AGMO: variants seen among roughly 807,000 people sequenced by gnomAD.
AGMO encodes glyceryl-ether monooxygenase.
AGMO carries 75 observed loss-of-function variants against 60.2 expected under a neutral mutation model. That is an observed-to-expected ratio of 1.25 (90% confidence interval 1.03 to 1.51). The LOEUF (loss-of-function observed/expected upper bound fraction) is 1.51. Ranked by LOEUF, AGMO falls within the 40% of genes most tolerant of loss-of-function variation. The probability of loss-of-function intolerance (pLI) is 0.00; values close to 1 mark genes in which losing one functional copy is unlikely to be tolerated. For missense variants in AGMO, 763 were observed against 525.5 expected, an observed-to-expected ratio of 1.45 and a Z score of -4.42; for synonymous variants, 261 against 177.1, an observed-to-expected ratio of 1.47 and a Z score of -3.76.
At position 15,483,712 on chromosome 7, in the gene AGMO, T is replaced by G. The variant is rs1295141946; in HGVS notation, c.410-52604A>C. ...TAACTAGATGGAGGTAAATACCATATTCTAGATTGGAAAACTTGATTCTGT... is the reference window on the plus strand; with the variant it reads ...TAACTAGATGGAGGTAAATACCATAGTCTAGATTGGAAAACTTGATTCTGT... On this transcript the variant is annotated intron_variant, in intron 3 of 12. Transcript: ENST00000342526. Among the ~76,000 whole-genome samples the G allele has an allele frequency of 2.0e-5, 3 of 152,296 alleles. No individual in the cohort carries two copies. In the East Asian group the frequency reaches 5.8e-4, roughly 29 times the overall value.
chr7:15,342,285 A>G (rs560515321), intron 12 of AGMO, among the ~76,000 whole-genome samples: 16 of 151,278 alleles, frequency 1.1e-4, no homozygotes, highest in Non-Finnish European at 1.8e-4. Context: ...GCAAGGGAGG[A>G]GTAAAACCTG....
chr7:15,189,235 C>A, the AGMO span, among the ~76,000 whole-genome samples: 1 of 152,048 alleles, frequency 6.6e-6, no homozygotes, highest in South Asian at 2.1e-4. Context: ...GGAGTAAGAA[C>A]TGCCATGAGG....
chr7:15,290,470 A>C (rs1466270084), intron 12 of AGMO, among the ~76,000 whole-genome samples: 1 of 152,166 alleles, frequency 6.6e-6, no homozygotes, highest in Non-Finnish European at 1.5e-5. Context: ...GGACTTCTTA[A>C]AGCCTAAGAG....
rs1583694662 is a variant in AGMO, at chr7:15,561,815, A to T, written c.31T>A (p.Ser11Thr). Residue 11 changes from serine to threonine, a missense_variant, in exon 1 of 13, where the codon TCA becomes ACA. Coordinates refer to ENST00000342526, the MANE Select transcript of AGMO (RefSeq NM_001004320.2). MKNPEAQQDV[S>T]VSQGFRMLFY... ...AACATGCGAAATCCCTGGGAAACTG[A>T]AACATCCTGCTGGGCTTCTGGGTTC... The T allele has an allele frequency of 1.9e-6, 3 of 1,609,974 alleles. No homozygotes were observed. The highest frequency in any genetic ancestry group is 2.5e-6 in the Non-Finnish European group (3 of 1,177,432).
intron 3 of AGMO, among the ~76,000 whole-genome samples, chr7:15,459,523 A>T (rs76414570): frequency 6.6e-6 from 1 of 151,554 alleles, no homozygotes; most frequent in East Asian, 1.9e-4. Flanking sequence ...ACTTTTCTGA[A>T]TCTCAAAATA....
At chr7:15,255,246 A>G (rs887440194) in intron 12 of AGMO, among the ~76,000 whole-genome samples, 7 of 152,110 alleles carry the variant, frequency 4.6e-5, no homozygotes, top group African/African-American at 1.7e-4. Context: ...TAACATTAGG[A>G]GAAATACCTC....
intron 12 of AGMO, among the ~76,000 whole-genome samples, chr7:15,318,009 TA>T (rs922707773): frequency 9.8e-5 from 12 of 122,374 alleles, no homozygotes; most frequent in African/African-American, 2.7e-4. Context: ...TATATACATA[TA>T]TTTTTTTTTT....
the AGMO span, among the ~76,000 whole-genome samples, chr7:15,174,846 T>C: frequency 6.6e-6 from 1 of 152,150 alleles, no homozygotes; most frequent in South Asian, 2.1e-4. Flanking sequence ...ATATTTTCTT[T>C]ATGTATCATC....
intron 12 of AGMO, among the ~76,000 whole-genome samples, chr7:15,346,759 A>G (rs1782048958): frequency 6.6e-6 from 1 of 151,994 alleles, no homozygotes; most frequent in Non-Finnish European, 1.5e-5. Context: ...TTTGGAAAAC[A>G]TTTTAGTGCA....
chr7:15,247,192 T>C (rs1411016293), intron 12 of AGMO, among the ~76,000 whole-genome samples: 2 of 151,740 alleles, frequency 1.3e-5, no homozygotes, highest in African/African-American at 2.4e-5. Flanking sequence ...TGTCCAACAG[T>C]AGAGAAAGAT....
intron 10 of AGMO, among the ~76,000 whole-genome samples, chr7:15,372,022 G>A (rs1190209175): frequency 6.6e-6 from 1 of 152,030 alleles, no homozygotes; most frequent in Non-Finnish European, 1.5e-5. Flanking sequence ...AAAAGAAACT[G>A]AGAATATTGA....
chr7:15,358,527 T>C (rs1366678334), intron 12 of AGMO: 3 of 425,852 alleles, frequency 7.0e-6, no homozygotes, highest in African/African-American at 6.2e-5. Context: ...TAAGAATCCC[T>C]CCAGGGATTC....
At chr7:15,171,598 G>C in the AGMO span, among the ~76,000 whole-genome samples, 1 of 152,108 alleles carries the variant, frequency 6.6e-6, no homozygotes, top group Non-Finnish European at 1.5e-5. Flanking sequence ...ATTTAGTGAT[G>C]TGTAATATAT....
At chr7:15,354,500 A>ACACACGCG (rs1554422803) in intron 12 of AGMO, among the ~76,000 whole-genome samples, 2 of 15,716 alleles carry the variant, frequency 1.3e-4, no homozygotes, top group South Asian at 2.6e-3. Flanking sequence ...ACACGTGTAT[A>ACACACGCG]TATATATATA....
intron 3 of AGMO, among the ~76,000 whole-genome samples, chr7:15,481,223 A>C (rs1037202458): frequency 5.3e-5 from 8 of 152,130 alleles, no homozygotes; most frequent in African/African-American, 1.9e-4. Context: ...TTAATACAAA[A>C]TGTTTTATTG....
intron 9 of AGMO, 110 bp from the exon 10 acceptor site, chr7:15,385,672 G>A (rs1783882861): frequency 4.3e-6 from 3 of 701,258 alleles, no homozygotes; most frequent in African/African-American, 3.7e-5. Flanking sequence ...TTTAAAAAAA[G>A]ACAAACATAA....
Position 15,297,833 on chromosome 7 carries a change from G to A in AGMO, c.1263+67681C>T, listed in dbSNP as rs144625293. ...AAGTAGGCAAACATGAGTGAATGAG[G>A]TTTGTATAAAGAATAAATAATAGAT... On this transcript the variant is annotated intron_variant, in intron 12 of 12. Transcript: ENST00000342526. Among the ~76,000 whole-genome samples, 9 of 152,174 alleles carry A rather than the reference G, an allele frequency of 5.9e-5. No individual in the cohort carries two copies. In the East Asian group the frequency reaches 1.7e-3, roughly 29 times the overall value.
At chr7:15,402,616 A>G (rs931570954) in intron 5 of AGMO, among the ~76,000 whole-genome samples, 2 of 147,400 alleles carry the variant, frequency 1.4e-5, no homozygotes, top group Admixed American at 1.4e-4. Flanking sequence ...TAATAATAAT[A>G]TATATTAAAT....
intron 3 of AGMO, among the ~76,000 whole-genome samples, chr7:15,465,838 A>C (rs1489518100): frequency 1.3e-5 from 2 of 152,090 alleles, no homozygotes; most frequent in African/African-American, 4.8e-5. Flanking sequence ...GAAAAGCATA[A>C]CACAAAATTA....
Sources: allele counts gnomAD v4.1 joint callset (sites outside exome capture counted in the v4.1 genomes callset), GRCh38; gene constraint gnomAD v4.1.1; transcripts MANE v1.5; gene names NCBI Gene and HGNC (gene_info 2026-07-23, HGNC 2026-07-21).